GCNT1: variants seen among roughly 807,000 people sequenced by gnomAD.
GCNT1 encodes the protein glucosaminyl (N-acetyl) transferase 1.
A neutral mutation model predicts 26.2 loss-of-function variants in GCNT1; 16 were observed. The ratio of observed to expected loss-of-function variants is 0.61; its 90% confidence interval spans 0.41 to 0.93. The LOEUF is 0.93. GCNT1 is among the 40% of genes least tolerant of loss of function. The pLI is 0.00. For missense variants in GCNT1, 477 were observed against 526.7 expected (o/e 0.91, Z 0.92); for synonymous variants, 183 against 190.8 (o/e 0.96, Z 0.34).
chr9:76,490,762 A>ACT (rs34397338), intron 2 of GCNT1, among the ~76,000 whole-genome samples: 124,247 of 152,094 alleles, frequency 0.82, 51,325 homozygotes, highest in African/African-American at 0.93. Flanking sequence ...AAGTTTCCTA[A>ACT]CTGCAAGAGT....
chr9:76,394,371 G>A, the GCNT1 span: 3 of 502,586 alleles, frequency 6.0e-6, no homozygotes, highest in African/African-American at 2.1e-5. Context: ...AAATACCGCC[G>A]GGCGCCTGAG....
At chr9:76,427,972 A>T (rs1028147747) in intron 1 of GCNT1, among the ~76,000 whole-genome samples, 5 of 152,042 alleles carry the variant, frequency 3.3e-5, no homozygotes, top group Non-Finnish European at 7.4e-5. Flanking sequence ...ACAGAGCAAG[A>T]CTCTATCTCA....
intron 2 of GCNT1, among the ~76,000 whole-genome samples, chr9:76,482,921 G>A (rs937508867): frequency 2.7e-5 from 4 of 150,756 alleles, no homozygotes; most frequent in Non-Finnish European, 5.9e-5. Flanking sequence ...CAAGGTGCTG[G>A]GATTATAGGT....
In GCNT1 at chr9:76,435,951, CTTTTTTTTTTT is replaced by C. The variant is rs398046579; in HGVS notation, n.38+16076_38+16086del. Among the ~76,000 whole-genome samples the C allele has an allele frequency of 3.6e-5, 4 of 111,990 alleles. No homozygotes were observed. In the Admixed American group the frequency reaches 4.1e-4, roughly 11 times the overall value. 73.5% of individuals were successfully genotyped at this position (111,990 alleles called of 152,430 possible). On this transcript the variant is annotated intron_variant and non_coding_transcript_variant, in intron 1 of 3. Coordinates refer to the GCNT1 transcript ENST00000488136. ...GAGTGCTAAGCAGTAGTTCCCATAT[CTTTTTTTTTTT>C]TTTTTTTTTTTGAGACAGAATCTCG...
At chr9:76,399,341 C>T in the GCNT1 span, 4,691 of 1,475,336 alleles carry the variant, frequency 3.2e-3, 36 homozygotes, top group Non-Finnish European at 2.7e-3. Context: ...AAAAGAAGAG[C>T]AGGCTGCTGC....
intron 2 of GCNT1, among the ~76,000 whole-genome samples, chr9:76,472,872 C>T (rs1333166074): frequency 3.3e-5 from 5 of 151,700 alleles, no homozygotes; most frequent in South Asian, 2.1e-4. Context: ...CCTCATATTC[C>T]GGAGTAGCTG....
chr9:76,480,931 T>C (rs1180250101), intron 2 of GCNT1, among the ~76,000 whole-genome samples: 2 of 151,966 alleles, frequency 1.3e-5, no homozygotes, highest in African/African-American at 2.4e-5. Flanking sequence ...TATGTTTTAA[T>C]ATAGGATTAC....
chr9:76,431,256 G>A (rs1367844484), intron 1 of GCNT1, among the ~76,000 whole-genome samples: 1 of 152,006 alleles, frequency 6.6e-6, no homozygotes, highest in African/African-American at 2.4e-5. Context: ...ACTCCACAAG[G>A]TAAGGCTCAA....
the GCNT1 span, among the ~76,000 whole-genome samples, chr9:76,397,875 A>G: frequency 1.3e-5 from 2 of 152,236 alleles, no homozygotes; most frequent in Non-Finnish European, 2.9e-5. Context: ...GCCAAAGCAT[A>G]TGCTTCAAAT....
At chr9:76,440,071 A>G (rs1041421585), upstream of GCNT1, among the ~76,000 whole-genome samples, 1 of 151,742 alleles carries the variant, frequency 6.6e-6, no homozygotes, top group Admixed American at 6.6e-5. Flanking sequence ...ATTGCACTCC[A>G]GCCTGGGCAA....
chr9:76,480,665 G>A (rs535751388), intron 2 of GCNT1, among the ~76,000 whole-genome samples: 51 of 152,154 alleles, frequency 3.4e-4, no homozygotes, highest in African/African-American at 9.6e-4. Context: ...TTCTGTTAAC[G>A]TGCTAATAAA....
At chr9:76,394,233 G>A in the GCNT1 span, 2 of 1,508,234 alleles carry the variant, frequency 1.3e-6, no homozygotes, top group Non-Finnish European at 1.8e-6. Context: ...AGCCGCCGTC[G>A]ACGCGGCGCC....
intron 2 of GCNT1, among the ~76,000 whole-genome samples, chr9:76,472,543 G>T (rs951769806): frequency 6.6e-6 from 1 of 152,100 alleles, no homozygotes; most frequent in African/African-American, 2.4e-5. Context: ...GGTGCAACTT[G>T]GGGCTAGATG....
At chr9:76,464,279 C>T (rs1456476715) in intron 2 of GCNT1, among the ~76,000 whole-genome samples, 1 of 152,048 alleles carries the variant, frequency 6.6e-6, no homozygotes, top group African/African-American at 2.4e-5. Context: ...TGCAGTGGCA[C>T]CATCTTGGCT....
At chr9:76,457,176 C>T (rs1823770145), upstream of GCNT1, among the ~76,000 whole-genome samples, 1 of 152,188 alleles carries the variant, frequency 6.6e-6, no homozygotes, top group Non-Finnish European at 1.5e-5. Flanking sequence ...ATACTTGTAC[C>T]TCGGCTTCCT....
At chr9:76,496,904 GAA>G (rs1217593065) in intron 2 of GCNT1, among the ~76,000 whole-genome samples, 1 of 152,102 alleles carries the variant, frequency 6.6e-6, no homozygotes, top group Non-Finnish European at 1.5e-5. Context: ...CCTCTTCCAG[GAA>G]AGGACCAGTG....
intron 1 of GCNT1, among the ~76,000 whole-genome samples, chr9:76,430,811 G>A (rs938889958): frequency 6.6e-6 from 1 of 152,148 alleles, no homozygotes; most frequent in Middle Eastern, 3.2e-3. Context: ...AGGCCCCTGA[G>A]TAGCTGGGAA....
Position 76,504,764 on chromosome 9 carries a change from C to T in GCNT1, c.*1096C>T. 3 of 413,520 alleles carry T rather than the reference C, an allele frequency of 7.3e-6. No individual in the cohort carries two copies. Among genetic ancestry groups the T allele is most frequent in the Non-Finnish European group, 8.8e-6 (2 of 226,148 alleles). The allele number at this position is 413,520 out of a possible 1,614,324, so 25.6% of individuals were successfully genotyped here. A position where few individuals can be genotyped will look rare whatever the true frequency, so the allele number is the denominator to read the frequency against. On this transcript the variant is annotated 3_prime_UTR_variant, in exon 4 of 4. Transcript: ENST00000376730. ...TCACCTGTATATTCATTTGAAAGGACTTGGCCCTGTTCTTGGGTCTTCCCG... is the reference window on the plus strand; with the variant it reads ...TCACCTGTATATTCATTTGAAAGGATTTGGCCCTGTTCTTGGGTCTTCCCG...
the GCNT1 span, among the ~76,000 whole-genome samples, chr9:76,408,678 A>G: frequency 1.3e-5 from 2 of 151,678 alleles, no homozygotes; most frequent in East Asian, 1.9e-4. Flanking sequence ...CTCCGCTTCT[A>G]TTTTCTTTTC....
Sources: gnomAD v4.1 joint callset for allele counts (sites outside exome capture counted in the v4.1 genomes callset) on GRCh38, gnomAD v4.1.1 for gene constraint, MANE v1.5 for transcripts, NCBI Gene and HGNC (gene_info 2026-07-23, HGNC 2026-07-21) for gene names.